The following CYB5D2 variants were observed in gnomAD, a reference collection of about 807,000 sequenced individuals.
CYB5D2 encodes the protein cytochrome b5 domain containing 2, also known as neuferricin.
A neutral mutation model predicts 22.8 loss-of-function variants in CYB5D2; 23 were observed. The observed-to-expected ratio is 1.01, with a 90% confidence interval of 0.73 to 1.43. The LOEUF (loss-of-function observed/expected upper bound fraction) is 1.43. CYB5D2 is among the 40% of genes most tolerant of loss of function. The pLI, the probability that CYB5D2 is intolerant of heterozygous loss-of-function variation, is 0.00. For synonymous variants in CYB5D2, 170 were observed against 152.2 expected, an observed-to-expected ratio of 1.12 and a Z score of -0.86; for missense variants, 373 against 357.2, an observed-to-expected ratio of 1.04 and a Z score of -0.36.
At chr17:4,144,046 G>A (rs746341306) in intron 1 of CYB5D2, 41 bp downstream of exon 1, 3 of 1,539,146 alleles carry the variant, frequency 1.9e-6, no homozygotes, top group Non-Finnish European at 2.6e-6. Flanking sequence ...CCGCTGGCGC[G>A]AGCCAGTAGC....
rs770881232 is a variant in CYB5D2, at chr17:4,156,938, C to T, written c.651C>T (p.Cys217=). ...AGCCAGGTGCTAAGGAGCCCCGCTG[C>T]GTGTGTGTGAGAACCACCGGCCCCC... is the stretch of plus-strand genomic sequence containing the variant. ...LYKPGAKEPR[C]VCVRTTGPPS... Residue 217 remains cysteine, a synonymous_variant, in exon 4 of 4, where the codon TGC becomes TGT. Transcript: ENST00000301391. The T allele has an allele frequency of 5.6e-6, 9 of 1,612,686 alleles. No individual in the cohort carries two copies. The East Asian group carries it at 6.7e-5, about 12-fold the overall frequency.
intron 3 of CYB5D2, among the ~76,000 whole-genome samples, chr17:4,156,485 A>G (rs2059113746): frequency 6.6e-6 from 1 of 152,242 alleles, no homozygotes; most frequent in African/African-American, 2.4e-5. Context: ...TGGGGAAGGA[A>G]GAGGACAGTC....
chr17:4,152,260 CA>C (rs1202582727), intron 2 of CYB5D2, among the ~76,000 whole-genome samples: 3 of 152,154 alleles, frequency 2.0e-5, no homozygotes, highest in Non-Finnish European at 4.4e-5. Context: ...GTTCCATCCT[CA>C]GGGGGACCAG....
At position 4,157,133 on chromosome 17, in the gene CYB5D2, A is replaced by G. The variant is rs774405870; in HGVS notation, c.*51A>G. 4.4e-6 allele frequency: 7 copies of G among 1,588,706 alleles called. No homozygotes were observed. In the Admixed American group the frequency reaches 1.2e-4, roughly 27 times the overall value. Reference sequence around the variant, plus strand: ...CACAGAGAGCTCTGCCAAGCACCTGAGTAGGCCCTTGACACTTGTGTGCCC... The same window carrying G: ...CACAGAGAGCTCTGCCAAGCACCTGGGTAGGCCCTTGACACTTGTGTGCCC... On this transcript the variant is annotated 3_prime_UTR_variant, in exon 4 of 4. Coordinates refer to ENST00000301391, the MANE Select transcript of CYB5D2 (RefSeq NM_144611.4). This position sits in a 1 kb window ranked among gnomAD's most constrained non-coding sequence, Gnocchi z 4.4.
chr17:4,153,163 T>C (rs910812337), intron 2 of CYB5D2, among the ~76,000 whole-genome samples: 2 of 152,104 alleles, frequency 1.3e-5, no homozygotes, highest in African/African-American at 2.4e-5. Flanking sequence ...CATAGGACCA[T>C]GCATCAAACT....
In CYB5D2 at chr17:4,148,516, CAAAAAAAAA is replaced by C. The variant is rs34632039; in HGVS notation, c.251-1362_251-1354del. ...TGGGCAACAGAGCGAGACTCAGTCTCAAAAAAAAAAAAAAAAAAAAATGGGGAACTGCAT... is the reference window on the plus strand; with the variant it reads ...TGGGCAACAGAGCGAGACTCAGTCTCAAAAAAAAAAAATGGGGAACTGCAT... On this transcript the variant is annotated intron_variant, in intron 1 of 3. Transcript: ENST00000301391. Among the ~76,000 whole-genome samples, 51 of 102,648 alleles carry C rather than the reference CAAAAAAAAA, an allele frequency of 5.0e-4. 1 individual carries two copies. The highest frequency in any genetic ancestry group is 1.6e-3 in the Admixed American group (17 of 10,378). The allele number at this position is 102,648 out of a possible 152,430, so 67.3% of individuals were successfully genotyped here. A position where few individuals can be genotyped will look rare whatever the true frequency, so the allele number is the denominator to read the frequency against.
rs2058921677 is a variant in CYB5D2, at chr17:4,143,637, G to C, written c.-119G>C. ...ACTAAGGGAGGGAGCGCGAGCACTA[G>C]CGCGCGAGAGAGAGAGCGAGAGCGC... On this transcript the variant is annotated 5_prime_UTR_variant, in exon 1 of 4. Transcript: ENST00000301391. 7.2e-7 allele frequency: 1 copy of C among 1,386,994 alleles called. No homozygotes were observed. The highest frequency in any genetic ancestry group is 9.7e-7 in the Non-Finnish European group (1 of 1,025,840). The allele number at this position is 1,386,994 out of a possible 1,614,324, so 85.9% of individuals were successfully genotyped here. A position where few individuals can be genotyped will look rare whatever the true frequency, so the allele number is the denominator to read the frequency against.
intron 1 of CYB5D2, 124 bp downstream of exon 1, chr17:4,144,129 CGTGCG>C: frequency 7.3e-7 from 1 of 1,361,300 alleles, no homozygotes; most frequent in Non-Finnish European, 9.8e-7. Context: ...CCATCAAACC[CGTGCG>C]GTGGGCGGGA....
In CYB5D2 at chr17:4,156,991, C is replaced by T; in HGVS notation, c.704C>T (p.Pro235Leu). ...PPSGQMPDNPPHRNRGDLDHP... is the reference protein window; with the variant it reads ...PPSGQMPDNPLHRNRGDLDHP... ...AGTGGCCAGATGCCGGACAACCCTC[C>T]ACACAGAAATCGTGGGGACCTGGAC... is the stretch of plus-strand genomic sequence containing the variant. Residue 235 changes from proline (P) to leucine (L), a missense_variant, in exon 4 of 4, where the codon CCA becomes CTA. Physicochemically the swap from Pro to Leu is moderately conservative, Grantham distance 98 (BLOSUM62 -3). Transcript: ENST00000301391. The T allele has an allele frequency of 1.2e-6, 2 of 1,612,934 alleles. No homozygotes were observed. The highest frequency in any genetic ancestry group is 1.7e-6 in the Non-Finnish European group (2 of 1,180,050).
At chr17:4,151,808 C>T (rs994582814) in intron 2 of CYB5D2, among the ~76,000 whole-genome samples, 1 of 152,018 alleles carries the variant, frequency 6.6e-6, no homozygotes, top group African/African-American at 2.4e-5. Flanking sequence ...AGTTCAAGAC[C>T]AGCCTGACCA....
At chr17:4,146,628 G>A (rs1219829923) in intron 1 of CYB5D2, among the ~76,000 whole-genome samples, 3 of 151,774 alleles carry the variant, frequency 2.0e-5, no homozygotes, top group Non-Finnish European at 4.4e-5. Flanking sequence ...CTGACCTCGT[G>A]ATCTGCCTAC....
At chr17:4,146,680 G>A (rs1232438158) in intron 1 of CYB5D2, among the ~76,000 whole-genome samples, 3 of 149,786 alleles carry the variant, frequency 2.0e-5, no homozygotes, top group Non-Finnish European at 3.0e-5. Context: ...CTGAGCCACC[G>A]CGCCTGGCCC....
At chr17:4,151,745 C>T (rs190945661) in intron 2 of CYB5D2, among the ~76,000 whole-genome samples, 4 of 151,810 alleles carry the variant, frequency 2.6e-5, no homozygotes, top group East Asian at 1.9e-4. Context: ...TGGCTCATGC[C>T]TGTAATCCCA....
At chr17:4,153,942 C>A (rs774568891) in intron 2 of CYB5D2, among the ~76,000 whole-genome samples, 8 of 152,224 alleles carry the variant, frequency 5.3e-5, no homozygotes, top group Non-Finnish European at 7.3e-5. Flanking sequence ...TTAGGGGTTG[C>A]TCCCTCTTCG....
At chr17:4,156,290 G>T (rs1387682445) in intron 3 of CYB5D2, among the ~76,000 whole-genome samples, 1 of 152,250 alleles carries the variant, frequency 6.6e-6, no homozygotes, top group Non-Finnish European at 1.5e-5. Context: ...AATCCTCCGT[G>T]TCTGAAGCCT....
intron 1 of CYB5D2, among the ~76,000 whole-genome samples, chr17:4,146,175 A>C (rs2058988838): frequency 6.6e-6 from 1 of 152,154 alleles, no homozygotes; most frequent in Non-Finnish European, 1.5e-5. Flanking sequence ...GGCTTACTGC[A>C]ACCTCTGCCT....
At position 4,143,800 on chromosome 17, in the gene CYB5D2, A is replaced by ATCC. The variant is rs2058931541; in HGVS notation, c.45_46insTCC (p.Val15_Ala16insSer). ...GTGGGCTTTTGTTGGGCCTGGCTGT[A>ATCC]GCCGCAGCAGCGGTAATGGCAGCAC... On this transcript the variant is annotated inframe_insertion, in exon 1 of 4. Coordinates refer to ENST00000301391, the MANE Select transcript of CYB5D2 (RefSeq NM_144611.4). 6.2e-7 allele frequency: 1 copy of ATCC among 1,613,972 alleles called. No individual in the cohort carries two copies. The highest frequency in any genetic ancestry group is 1.3e-5 in the African/African-American group (1 of 74,940).
Position 4,143,203 on chromosome 17 carries a change from T to G in CYB5D2, c.-553T>G, listed in dbSNP as rs1471976549. ...TTCCGTAGCCTCCGCTGCCGCCATC[T>G]TTGTTGGGGCTGACAACCTGCAAGC... On this transcript the variant is annotated 5_prime_UTR_variant, in exon 1 of 4. Coordinates refer to ENST00000301391, the MANE Select transcript of CYB5D2 (RefSeq NM_144611.4). 3.2e-6 allele frequency: 1 copy of G among 314,170 alleles called. No homozygotes were observed. Among genetic ancestry groups the G allele is most frequent in the Admixed American group, 5.2e-5 (1 of 19,050 alleles). The allele number at this position is 314,170 out of a possible 1,614,324, so 19.5% of individuals were successfully genotyped here.
At position 4,157,248 on chromosome 17, in the gene CYB5D2, C is replaced by T. The variant is rs758933068; in HGVS notation, c.*166C>T. The T allele has an allele frequency of 1.5e-5, 12 of 781,924 alleles. No homozygotes were observed. The highest frequency in any genetic ancestry group is 7.0e-5 in the African/African-American group (4 of 57,494). The allele number at this position is 781,924 out of a possible 1,614,324, so 48.4% of individuals were successfully genotyped here. A position where few individuals can be genotyped will look rare whatever the true frequency, so the allele number is the denominator to read the frequency against. ...GCTCATGCCCCTTACCGTGGCTCGG[C>T]GTTGTGGTGCCTGAGGGACAGCCGG... On this transcript the variant is annotated 3_prime_UTR_variant, in exon 4 of 4. Coordinates refer to ENST00000301391, the MANE Select transcript of CYB5D2 (RefSeq NM_144611.4). The surrounding 1 kb of genome is among the most constrained non-coding windows in gnomAD (Gnocchi z 4.4).
Sources: gnomAD v4.1 joint callset for allele counts (sites outside exome capture counted in the v4.1 genomes callset) on GRCh38, gnomAD v4.1.1 for gene constraint, Gnocchi (gnomAD v3.1) non-coding constraint, MANE v1.5 for transcripts, NCBI Gene and HGNC (gene_info 2026-07-23, HGNC 2026-07-21) for gene names.